Variants in DTNB observed in about 807,000 individuals in gnomAD.
DTNB encodes DTN-B.
Under a neutral mutation model 90.7 loss-of-function variants are expected in DTNB, and 63 were observed. The ratio of observed to expected loss-of-function variants is 0.69; its 90% CI spans 0.57 to 0.86. The LOEUF is 0.86. Ranked by LOEUF, DTNB falls within the 40% of genes least tolerant of loss-of-function variation. The pLI is 0.00. For synonymous variants in DTNB, 277 were observed against 286.7 expected (o/e 0.97, Z 0.34); for missense variants, 744 against 807.1 (o/e 0.92, Z 0.95).
chr2:25,395,395 T>A (rs2042119730), intron 16 of DTNB, among the ~76,000 whole-genome samples: 2 of 151,892 alleles, frequency 1.3e-5, no homozygotes, highest in Admixed American at 1.3e-4. Context: ...AATTAAAAAA[T>A]TTAAAAGTTT....
intron 10 of DTNB, among the ~76,000 whole-genome samples, chr2:25,475,020 A>G (rs758879851): frequency 2.0e-5 from 3 of 152,140 alleles, no homozygotes; most frequent in Non-Finnish European, 4.4e-5. Context: ...CTATTCCCTA[A>G]GACATAAAAA....
chr2:25,652,192 G>C (rs1477148803), intron 2 of DTNB, among the ~76,000 whole-genome samples: 3 of 152,100 alleles, frequency 2.0e-5, no homozygotes, highest in African/African-American at 7.2e-5. Flanking sequence ...AACAGCTCTA[G>C]GTGTTGCCCT....
chr2:25,416,517 C>T (rs1409376725), intron 16 of DTNB, among the ~76,000 whole-genome samples: 1 of 152,034 alleles, frequency 6.6e-6, no homozygotes, highest in Non-Finnish European at 1.5e-5. Flanking sequence ...ACTAAAAATA[C>T]AAAAATTAGC....
chr2:25,423,979 G>T (rs764644598), intron 15 of DTNB, among the ~76,000 whole-genome samples: 2 of 151,976 alleles, frequency 1.3e-5, no homozygotes, highest in Non-Finnish European at 2.9e-5. Context: ...GATTCTAAAG[G>T]GTACTTTTAT....
At chr2:25,378,329 G>C (rs982666244) in intron 20 of DTNB, among the ~76,000 whole-genome samples, 1 of 152,210 alleles carries the variant, frequency 6.6e-6, no homozygotes. Flanking sequence ...GAGAATGTGC[G>C]TGGCCCAGGT....
In DTNB at chr2:25,639,495, G is replaced by C. The variant is rs377367113; in HGVS notation, c.68-401C>G. ...ACGACTGTGGCCATGCCCCGTGGCTGTGGCCATGCGGCGTGCCTCTGCACA... is the reference window on the plus strand; with the variant it reads ...ACGACTGTGGCCATGCCCCGTGGCTCTGGCCATGCGGCGTGCCTCTGCACA... On this transcript the variant is annotated intron_variant, in intron 2 of 20. Coordinates refer to ENST00000406818, the MANE Select transcript of DTNB (RefSeq NM_021907.5). Among the ~76,000 whole-genome samples, 361 of 140,102 alleles carry C rather than the reference G, an allele frequency of 2.6e-3. 1 individual carries two copies. The highest frequency in any genetic ancestry group is 7.6e-3 in the African/African-American group (295 of 39,060). 91.9% of individuals were successfully genotyped at this position (140,102 alleles called of 152,430 possible). A position where few individuals can be genotyped will look rare whatever the true frequency, so the allele number is the denominator to read the frequency against.
chr2:25,614,692 T>C (rs1045143725), intron 4 of DTNB, among the ~76,000 whole-genome samples: 2 of 152,250 alleles, frequency 1.3e-5, no homozygotes, highest in Admixed American at 1.3e-4. Flanking sequence ...GTAATTTAAA[T>C]GCCAATTTTC....
chr2:25,605,900 G>GA (rs2066994548), intron 5 of DTNB, among the ~76,000 whole-genome samples: 1 of 152,030 alleles, frequency 6.6e-6, no homozygotes, highest in South Asian at 2.1e-4. Context: ...TATACCATGT[G>GA]AAAAACCTCA....
intron 4 of DTNB, among the ~76,000 whole-genome samples, chr2:25,607,618 T>C (rs2067426500): frequency 6.6e-6 from 1 of 152,226 alleles, no homozygotes; most frequent in Non-Finnish European, 1.5e-5. Flanking sequence ...GAATTTCCTA[T>C]TAATTAAACC....
At chr2:25,549,245 A>G (rs1186971794) in intron 8 of DTNB, among the ~76,000 whole-genome samples, 1 of 151,842 alleles carries the variant, frequency 6.6e-6, no homozygotes, top group Non-Finnish European at 1.5e-5. Flanking sequence ...GAATATACAT[A>G]TATCAATATA....
At chr2:25,388,805 C>CGTGTGTGTGTGTGTGT (rs112323714) in intron 16 of DTNB, among the ~76,000 whole-genome samples, 20 of 149,260 alleles carry the variant, frequency 1.3e-4, no homozygotes, top group African/African-American at 4.7e-4. Context: ...AAAGGACATA[C>CGTGTGTGTGTGTGTGT]GTGTGTGTGT....
intron 4 of DTNB, among the ~76,000 whole-genome samples, chr2:25,619,123 G>A (rs963504431): frequency 6.6e-6 from 1 of 152,022 alleles, no homozygotes; most frequent in African/African-American, 2.4e-5. Flanking sequence ...CTATCTAGTA[G>A]GAGTTTGCTA....
intron 8 of DTNB, among the ~76,000 whole-genome samples, chr2:25,560,253 TA>T (rs1195776593): frequency 6.6e-6 from 1 of 152,144 alleles, no homozygotes; most frequent in Non-Finnish European, 1.5e-5. Flanking sequence ...AAAGAAATAA[TA>T]AAATAAAATA....
chr2:25,406,050 T>A (rs761169819), intron 16 of DTNB, among the ~76,000 whole-genome samples: 1 of 152,100 alleles, frequency 6.6e-6, no homozygotes, highest in Non-Finnish European at 1.5e-5. Context: ...AGGCTGGCGA[T>A]GGCTGGCAGG....
chr2:25,649,042 T>C (rs953735527), intron 2 of DTNB, among the ~76,000 whole-genome samples: 4 of 129,032 alleles, frequency 3.1e-5, no homozygotes, highest in Non-Finnish European at 6.3e-5. Flanking sequence ...TCTCGCTCTG[T>C]CGCCCAGGCT....
At chr2:25,518,041 C>T (rs1002541305) in intron 9 of DTNB, among the ~76,000 whole-genome samples, 3 of 151,938 alleles carry the variant, frequency 2.0e-5, no homozygotes, top group Admixed American at 6.6e-5. Flanking sequence ...TAAAGTAGAA[C>T]GGTGGTCACA....
chr2:25,496,718 C>T (rs2068938016), intron 9 of DTNB, among the ~76,000 whole-genome samples: 2 of 152,026 alleles, frequency 1.3e-5, no homozygotes, highest in South Asian at 4.2e-4. Context: ...TGGTGGGTGC[C>T]TGTAATCCCA....
At chr2:25,444,196 C>T (rs895080665) in intron 12 of DTNB, among the ~76,000 whole-genome samples, 1 of 152,104 alleles carries the variant, frequency 6.6e-6, no homozygotes, top group African/African-American at 2.4e-5. Flanking sequence ...TTTGCTATTA[C>T]GACTACAATT....
chr2:25,420,472 ATCTATCTATCTATCTATCT>A (rs1558447351), intron 15 of DTNB, among the ~76,000 whole-genome samples: 1 of 40,188 alleles, frequency 2.5e-5, no homozygotes, highest in African/African-American at 7.5e-5. Context: ...AAATCAATCT[ATCTATCTATCTATCTATCT>A]ATCTATCTAT....
Sources: allele counts gnomAD v4.1 joint callset (sites outside exome capture counted in the v4.1 genomes callset), GRCh38; gene constraint gnomAD v4.1.1; transcripts MANE v1.5; gene names NCBI Gene and HGNC (gene_info 2026-07-23, HGNC 2026-07-21).